Variants in SERPINB6 observed in about 807,000 individuals in gnomAD.
SERPINB6 encodes the protein serpin B6.
Under a neutral mutation model 26.1 loss-of-function variants are expected in SERPINB6, and 16 were observed. The observed-to-expected ratio is 0.61, with a 90% CI of 0.42 to 0.93. SERPINB6 has a LOEUF of 0.93. Among genes scored for constraint, SERPINB6 ranks in the 40% least tolerant of loss-of-function variants. The probability of loss-of-function intolerance (pLI) is 0.00; values close to 1 mark genes in which losing one functional copy is unlikely to be tolerated. For synonymous variants in SERPINB6, 174 were observed against 176.6 expected (o/e 0.99, Z 0.11); for missense variants, 420 against 478.0 (o/e 0.88, Z 1.13).
rs758304446 is a variant in SERPINB6 at position 2,948,659 on chromosome 6, G to A, written c.770C>T (p.Thr257Met). 1.6e-5 allele frequency: 26 copies of A among 1,614,012 alleles called. No homozygotes were observed. The highest frequency in any genetic ancestry group is 1.1e-4 in the South Asian group (10 of 91,082). Residue 257 changes from threonine (T) to methionine (M), a missense_variant, in exon 7 of 7, where the codon ACG (threonine) becomes ATG (methionine). Physicochemically the swap from Thr to Met is moderately conservative, Grantham distance 81. Coordinates refer to ENST00000380539, the MANE Select transcript of SERPINB6 (RefSeq NM_004568.6). This position sits in a 1 kb window ranked among gnomAD's most constrained non-coding sequence, Gnocchi z 5.0. The part of the protein sequence containing the change: ...ELTYEKFVEW[T>M]RLDMMDEEEV... ...CTCTTCATCCATCATGTCCAGCCTC[G>A]TCCATTCTACGAACTTCTCGTAAGT...
In SERPINB6 at chr6:2,959,966, C is replaced by T. The variant is rs578192173; in HGVS notation, c.-10-624G>A. 1.4e-3 allele frequency: 242 copies of T among 167,264 alleles called. No homozygotes were observed. In the Middle Eastern group the frequency reaches 0.016, roughly 11 times the overall value. The allele number at this position is 167,264 out of a possible 1,614,324, so 10.4% of individuals were successfully genotyped here. A position where few individuals can be genotyped will look rare whatever the true frequency, so the allele number is the denominator to read the frequency against. On this transcript the variant is annotated intron_variant, in intron 1 of 6. Coordinates refer to ENST00000380539, the MANE Select transcript of SERPINB6 (RefSeq NM_004568.6). ...CCCAATTTTGGACCACGCTTGGGGA[C>T]ATCCTGCTGCAACAAGCCAGGCCTT...
intron 1 of SERPINB6, chr6:2,960,033 C>T (rs1770915852): frequency 6.2e-6 from 1 of 160,752 alleles, no homozygotes; most frequent in Non-Finnish European, 1.4e-5. Context: ...ACCACCTTGC[C>T]TCATGGGCTG....
intron 5 of SERPINB6, among the ~76,000 whole-genome samples, chr6:2,951,365 A>G (rs555075439): frequency 6.6e-6 from 1 of 150,930 alleles, no homozygotes; most frequent in African/African-American, 2.4e-5. Flanking sequence ...CAGCCTGGGC[A>G]ACAAGAGAGA....
At chr6:2,955,736 C>A in intron 2 of SERPINB6, 66 bp from the exon 3 acceptor site, 2 of 1,572,070 alleles carry the variant, frequency 1.3e-6, no homozygotes, top group Non-Finnish European at 1.7e-6. Flanking sequence ...AATGGGGCAA[C>A]CCCAAACTCA....
chr6:2,951,678 C>T (rs1158366315), intron 5 of SERPINB6, among the ~76,000 whole-genome samples: 1 of 152,152 alleles, frequency 6.6e-6, no homozygotes, highest in Non-Finnish European at 1.5e-5. Flanking sequence ...AAAATCTGTG[C>T]CCTTGGAGGT....
intron 1 of SERPINB6, chr6:2,970,136 G>A: frequency 3.0e-6 from 3 of 985,088 alleles, no homozygotes; most frequent in Non-Finnish European, 3.6e-6. Context: ...GAAATGTAAG[G>A]TGTGTGGTCT....
intron 1 of SERPINB6, chr6:2,966,448 T>G (rs940304809): frequency 2.0e-6 from 2 of 983,144 alleles, no homozygotes; most frequent in East Asian, 1.1e-4. Flanking sequence ...TGTTAGGAAC[T>G]GGGCCACGCA....
chr6:2,959,710 G>A (rs991651491), intron 1 of SERPINB6: 10 of 312,984 alleles, frequency 3.2e-5, no homozygotes, highest in South Asian at 2.2e-4. Flanking sequence ...GTGTTTTGCG[G>A]GCTTAAATGT....
At chr6:2,962,448 T>A (rs1198498195) in intron 1 of SERPINB6, among the ~76,000 whole-genome samples, 1 of 152,240 alleles carries the variant, frequency 6.6e-6, no homozygotes, top group African/African-American at 2.4e-5. Flanking sequence ...GTCCTGGCTC[T>A]GGTACCCTGG....
At chr6:2,969,097 CA>C (rs1476585759) in intron 1 of SERPINB6, 1 of 1,076,168 alleles carries the variant, frequency 9.3e-7, no homozygotes, top group African/African-American at 1.7e-5. Context: ...TGGAGAGATC[CA>C]AATCCTAAAA....
chr6:2,968,155 T>C (rs753234062), intron 1 of SERPINB6: 3 of 152,202 alleles, frequency 2.0e-5, no homozygotes, highest in African/African-American at 4.8e-5. Context: ...TGCAGAAACA[T>C]GGATGGGGCT....
intron 2 of SERPINB6, 101 bp downstream of exon 2, chr6:2,959,067 A>G: frequency 6.7e-7 from 1 of 1,488,912 alleles, no homozygotes; most frequent in South Asian, 1.1e-5. Flanking sequence ...ACCCTGCAAT[A>G]CTGCACAGTC....
chr6:2,954,955 C>A, intron 3 of SERPINB6: 1 of 460,840 alleles, frequency 2.2e-6, no homozygotes, highest in South Asian at 2.4e-5. Context: ...TTTGGGGGGC[C>A]GAGGCGGGTG....
chr6:2,954,372 T>C (rs1581242764), intron 4 of SERPINB6, among the ~76,000 whole-genome samples: 1 of 152,178 alleles, frequency 6.6e-6, no homozygotes, highest in African/African-American at 2.4e-5. Flanking sequence ...GCATCACGGG[T>C]ACACCAAGGA....
chr6:2,966,856 G>T (rs538700419), intron 1 of SERPINB6: 12 of 722,988 alleles, frequency 1.7e-5, no homozygotes, highest in Admixed American at 6.3e-5. Context: ...GGTCTCGCTC[G>T]GTGGCCGAGG....
intron 5 of SERPINB6, among the ~76,000 whole-genome samples, chr6:2,950,513 A>G (rs191362589): frequency 2.6e-4 from 37 of 140,872 alleles, no homozygotes; most frequent in African/African-American, 9.2e-4. Context: ...AGCCTGGGAG[A>G]CAGACCGAGA....
intron 4 of SERPINB6, 89 bp downstream of exon 4, chr6:2,954,503 C>T: frequency 9.5e-7 from 1 of 1,051,908 alleles, no homozygotes. Context: ...AAAAATCATT[C>T]CTGTTTACAA....
chr6:2,968,514 T>A, intron 1 of SERPINB6: 1 of 1,141,410 alleles, frequency 8.8e-7, no homozygotes, highest in Non-Finnish European at 1.1e-6. Flanking sequence ...TCTGACCTTA[T>A]TCCCTCATTT....
chr6:2,959,290 G>T lies in SERPINB6; in HGVS notation c.43C>A (p.Leu15Ile). 5 of 1,614,190 alleles carry T rather than the reference G, an allele frequency of 3.1e-6. No homozygotes were observed. In the East Asian group the frequency reaches 1.1e-4, roughly 36 times the overall value. ...TTGTCTTTACCCAGCGTTTTCAAAA[G>T]GTTTAAGGCAAAGGTGCCATTTGCT... is the stretch of plus-strand genomic sequence containing the variant. ...AEANGTFALNLLKTLGKDNSK... is the reference protein window; with the variant it reads ...AEANGTFALNILKTLGKDNSK... The change falls in exon 2 of 7, where the codon CTT becomes ATT. Residue 15 changes from leucine to isoleucine, a missense_variant. Coordinates refer to ENST00000380539, the MANE Select transcript of SERPINB6 (RefSeq NM_004568.6).
Sources: allele counts gnomAD v4.1 joint callset (sites outside exome capture counted in the v4.1 genomes callset), GRCh38; gene constraint gnomAD v4.1.1; non-coding constraint Gnocchi (gnomAD v3.1); transcripts MANE v1.5; gene names NCBI Gene and HGNC (gene_info 2026-07-23, HGNC 2026-07-21).